KLHL14: variants seen among roughly 807,000 people sequenced by gnomAD.
The protein encoded by KLHL14 is kelch like family member 14.
In KLHL14, 22 loss-of-function variants were observed where a neutral mutation model predicts 64.3. The ratio of observed to expected loss-of-function variants is 0.34; its 90% CI spans 0.24 to 0.49. The LOEUF (loss-of-function observed/expected upper bound fraction) is 0.49. KLHL14 is among the 20% of genes least tolerant of loss of function. KLHL14 has a pLI of 0.99. For synonymous variants in KLHL14, 322 were observed against 333.4 expected (o/e 0.97, Z 0.37); for missense variants, 661 against 789.0 (o/e 0.84, Z 1.94).
chr18:32,737,985 T>C (rs2050174914), intron 3 of KLHL14: 1 of 152,186 alleles, frequency 6.6e-6, no homozygotes, highest in East Asian at 1.9e-4. Context: ...TAAATCTATA[T>C]TTTAAAGTCC....
At chr18:32,739,380 G>T (rs943316574) in intron 3 of KLHL14, among the ~76,000 whole-genome samples, 2 of 149,148 alleles carry the variant, frequency 1.3e-5, no homozygotes, top group East Asian at 3.9e-4. Flanking sequence ...TGCAGAATAA[G>T]GTATCTTAAC....
intron 3 of KLHL14, among the ~76,000 whole-genome samples, chr18:32,705,709 C>A (rs8089920): frequency 7.9e-5 from 12 of 152,260 alleles, no homozygotes; most frequent in Admixed American, 2.6e-4. Flanking sequence ...GGTGACAGAG[C>A]AAGACTGTCT....
chr18:32,704,755 CA>C (rs2144494307), intron 3 of KLHL14, among the ~76,000 whole-genome samples: 1 of 152,220 alleles, frequency 6.6e-6, no homozygotes, highest in African/African-American at 2.4e-5. Flanking sequence ...GCAGCTAATT[CA>C]TTTCATTCAA....
chr18:32,690,118 T>C (rs1033125124), intron 4 of KLHL14, among the ~76,000 whole-genome samples: 9 of 151,834 alleles, frequency 5.9e-5, no homozygotes, highest in Non-Finnish European at 1.0e-4. Context: ...GGGCGGCAGG[T>C]TTATGAGGAG....
intron 2 of KLHL14, among the ~76,000 whole-genome samples, chr18:32,765,031 C>T (rs2050333612): frequency 6.6e-6 from 1 of 152,142 alleles, no homozygotes. Context: ...AAACAGCACA[C>T]TGTGAATGAC....
intron 3 of KLHL14, chr18:32,740,775 T>C (rs2050192144): frequency 6.6e-6 from 1 of 152,202 alleles, no homozygotes; most frequent in Admixed American, 6.5e-5. Context: ...TACTACTTCT[T>C]TACTACAACC....
At chr18:32,689,300 A>G (rs972653282) in intron 4 of KLHL14, among the ~76,000 whole-genome samples, 1 of 152,192 alleles carries the variant, frequency 6.6e-6, no homozygotes, top group Non-Finnish European at 1.5e-5. Context: ...ATGAAAGACA[A>G]TGGGTCCTCA....
At chr18:32,733,560 G>C (rs777133043) in intron 3 of KLHL14, 6 of 152,186 alleles carry the variant, frequency 3.9e-5, no homozygotes, top group Admixed American at 2.6e-4. Flanking sequence ...TGCTAGCCTT[G>C]AGTAAAAGAA....
intron 3 of KLHL14, among the ~76,000 whole-genome samples, chr18:32,698,434 TG>T (rs536844503): frequency 3.2e-4 from 48 of 152,272 alleles, no homozygotes; most frequent in African/African-American, 9.1e-4. Flanking sequence ...ACAGCAACTG[TG>T]ATCCATCAGC....
chr18:32,740,034 G>A (rs961448966), intron 3 of KLHL14, among the ~76,000 whole-genome samples: 2 of 152,100 alleles, frequency 1.3e-5, no homozygotes, highest in Admixed American at 1.3e-4. Context: ...ACAAAATTAA[G>A]AAACCATGAC....
chr18:32,687,350 AGGGAATACCTAACACAGCACG>A, intron 4 of KLHL14, 117 bp from the exon 5 acceptor site: 1 of 817,528 alleles, frequency 1.2e-6, no homozygotes, highest in Non-Finnish European at 2.1e-6. Flanking sequence ...AATTAAGTAG[AGGGAATACCTAACACAGCACG>A]GGCGATGAGT....
At chr18:32,735,314 C>A (rs1293676039) in intron 3 of KLHL14, among the ~76,000 whole-genome samples, 3 of 152,072 alleles carry the variant, frequency 2.0e-5, no homozygotes, top group Non-Finnish European at 2.9e-5. Flanking sequence ...CCTTACCCTG[C>A]CATTAAATCA....
intron 2 of KLHL14, among the ~76,000 whole-genome samples, chr18:32,753,426 C>T (rs1014460702): frequency 3.3e-4 from 50 of 152,084 alleles, no homozygotes; most frequent in Non-Finnish European, 6.8e-4. Flanking sequence ...CTTCTCATCC[C>T]GCCCCTGTGG....
chr18:32,719,098 G>A (rs1172716271), intron 3 of KLHL14, among the ~76,000 whole-genome samples: 2 of 152,154 alleles, frequency 1.3e-5, no homozygotes, highest in African/African-American at 4.8e-5. Context: ...GCAGGCATGT[G>A]CCACCACACC....
At chr18:32,697,857 A>G (rs937489948) in intron 3 of KLHL14, among the ~76,000 whole-genome samples, 1 of 152,228 alleles carries the variant, frequency 6.6e-6, no homozygotes, top group Admixed American at 6.5e-5. Context: ...TTTAAAGGCT[A>G]CTTGAAGGAA....
intron 2 of KLHL14, among the ~76,000 whole-genome samples, chr18:32,761,713 T>A (rs941595771): frequency 2.0e-5 from 3 of 152,212 alleles, no homozygotes; most frequent in Admixed American, 6.5e-5. Flanking sequence ...TACTGTAAAT[T>A]GCATGCAGTC....
At chr18:32,724,619 GA>G (rs1251337890) in intron 3 of KLHL14, among the ~76,000 whole-genome samples, 1 of 152,124 alleles carries the variant, frequency 6.6e-6, no homozygotes, top group Non-Finnish European at 1.5e-5. Context: ...TTGTTACTCT[GA>G]GTATTTAATG....
Position 32,704,699 on chromosome 18 carries a change from G to T in KLHL14, c.1070-9147C>A, listed in dbSNP as rs186909211. Among the ~76,000 whole-genome samples, 16 of 152,178 alleles carry T rather than the reference G, an allele frequency of 1.1e-4. No homozygotes were observed. In the East Asian group the frequency reaches 3.1e-3, roughly 29 times the overall value. On this transcript the variant is annotated intron_variant, in intron 3 of 8. Transcript: ENST00000359358. Reference sequence around the variant, plus strand: ...ATCGCGCCATTGCACTCCAGCCTGGGCAACAGAGCATGACTCTGTCTCAAA... The same window carrying T: ...ATCGCGCCATTGCACTCCAGCCTGGTCAACAGAGCATGACTCTGTCTCAAA...
chr18:32,700,981 A>G (rs1217333914), intron 3 of KLHL14, among the ~76,000 whole-genome samples: 2 of 152,188 alleles, frequency 1.3e-5, no homozygotes, highest in Admixed American at 6.5e-5. Context: ...GACAGCAAGA[A>G]GACCAGAACA....
Sources: gnomAD v4.1 joint callset for allele counts (sites outside exome capture counted in the v4.1 genomes callset) on GRCh38, gnomAD v4.1.1 for gene constraint, MANE v1.5 for transcripts, NCBI Gene and HGNC (gene_info 2026-07-23, HGNC 2026-07-21) for gene names.